NCAM2: variants seen among roughly 807,000 people sequenced by gnomAD.
NCAM2 encodes N-CAM-2.
A neutral mutation model predicts 98.1 loss-of-function variants in NCAM2; 30 were observed. The ratio of observed to expected loss-of-function variants is 0.31; its 90% CI spans 0.23 to 0.41. NCAM2 has a LOEUF of 0.41. NCAM2 is among the 10% of genes least tolerant of loss of function. The pLI, the probability that NCAM2 is intolerant of heterozygous loss-of-function variation, is 1.00. For synonymous variants in NCAM2, 368 were observed against 342.4 expected (o/e 1.07, Z -0.83); for missense variants, 867 against 1,005.8 (o/e 0.86, Z 1.87).
At chr21:21,346,263 A>T (rs1043039132) in intron 8 of NCAM2, among the ~76,000 whole-genome samples, 2 of 151,752 alleles carry the variant, frequency 1.3e-5, no homozygotes, top group African/African-American at 4.8e-5. Flanking sequence ...AATAGATTTC[A>T]AAACAAAAAC....
At chr21:21,227,110 A>T (rs756664891) in intron 1 of NCAM2, among the ~76,000 whole-genome samples, 6 of 152,004 alleles carry the variant, frequency 3.9e-5, no homozygotes, top group Non-Finnish European at 8.8e-5. Flanking sequence ...TACTGCAAAC[A>T]AATATTCTGT....
At chr21:21,177,539 G>A (rs768250342) in intron 1 of NCAM2, among the ~76,000 whole-genome samples, 6 of 152,056 alleles carry the variant, frequency 3.9e-5, no homozygotes, top group Middle Eastern at 3.4e-3. Flanking sequence ...TGTTTTTATT[G>A]CATAGTCATC....
In NCAM2 at chr21:21,390,151, A is replaced by G. The variant is rs1602193882; in HGVS notation, c.1195+16138A>G. On this transcript the variant is annotated intron_variant, in intron 9 of 17. Transcript: ENST00000400546. ...GTGCGAGCCACCGCGCCACCTGGCT[A>G]TTATTTTTTTTTATATTGACTACGT... Among the ~76,000 whole-genome samples the G allele has an allele frequency of 2.0e-5, 3 of 152,048 alleles. 1 individual carries two copies. The South Asian group carries it at 6.2e-4, about 32-fold the overall frequency.
chr21:21,120,536 A>G (rs2066649322), intron 1 of NCAM2, among the ~76,000 whole-genome samples: 1 of 152,114 alleles, frequency 6.6e-6, no homozygotes, highest in Non-Finnish European at 1.5e-5. Context: ...TGACTGATTA[A>G]GCCTGCGTGT....
In NCAM2 at chr21:21,227,250, G is replaced by T. The variant is rs1437154117; in HGVS notation, c.56-53328G>T. ...ATAATTGATGACAGTAAATCAAGAG[G>T]ATCTACAGGCAAACTATTAAGGTCC... On this transcript the variant is annotated intron_variant, in intron 1 of 17. Coordinates refer to ENST00000400546, the MANE Select transcript of NCAM2 (RefSeq NM_004540.5). Among the ~76,000 whole-genome samples, 3 of 151,766 alleles carry T rather than the reference G, an allele frequency of 2.0e-5. No individual in the cohort carries two copies. In the East Asian group the frequency reaches 5.8e-4, roughly 29 times the overall value.
At chr21:21,300,705 A>T (rs2073680973) in intron 5 of NCAM2, among the ~76,000 whole-genome samples, 1 of 152,012 alleles carries the variant, frequency 6.6e-6, no homozygotes, top group Non-Finnish European at 1.5e-5. Context: ...TTCTGGAAAG[A>T]TTTCTTTAAT....
At chr21:21,111,507 G>C (rs2146528370) in intron 1 of NCAM2, among the ~76,000 whole-genome samples, 1 of 152,260 alleles carries the variant, frequency 6.6e-6, no homozygotes, top group African/African-American at 2.4e-5. Flanking sequence ...GGAGAACCAA[G>C]AGGGCAGGGC....
chr21:21,540,981 C>G lies in NCAM2; in HGVS notation c.*3024C>G, dbSNP rs1990208156. The G allele has an allele frequency of 6.6e-6, 1 of 151,732 alleles. No individual in the cohort carries two copies. Among genetic ancestry groups the G allele is most frequent in the Non-Finnish European group, 1.5e-5 (1 of 67,788 alleles). The allele number at this position is 151,732 out of a possible 1,614,324, so 9.4% of individuals were successfully genotyped here. ...ATTGCCATTCTATTGATACTAATGT[C>G]TAACATTAATGTTTCTTGTTTTCTT... On this transcript the variant is annotated 3_prime_UTR_variant, in exon 18 of 18. Transcript: ENST00000400546.
chr21:21,462,537 C>A (rs916190496), intron 12 of NCAM2, among the ~76,000 whole-genome samples: 1 of 151,846 alleles, frequency 6.6e-6, no homozygotes, highest in Non-Finnish European at 1.5e-5. Context: ...AAGTCTGGTT[C>A]TCTAATAAAA....
intron 8 of NCAM2, among the ~76,000 whole-genome samples, chr21:21,339,021 G>A (rs2074954202): frequency 2.0e-5 from 3 of 152,120 alleles, no homozygotes; most frequent in Admixed American, 2.0e-4. Flanking sequence ...AAACACTGTG[G>A]TGAGTGATGA....
chr21:21,135,852 A>T (rs1569061924), intron 1 of NCAM2, among the ~76,000 whole-genome samples: 1 of 152,200 alleles, frequency 6.6e-6, no homozygotes, highest in Admixed American at 6.5e-5. Context: ...AGTTCAGAAC[A>T]TGTGTCATGG....
intron 1 of NCAM2, among the ~76,000 whole-genome samples, chr21:21,109,282 T>C (rs1405130832): frequency 6.6e-6 from 1 of 152,086 alleles, no homozygotes; most frequent in East Asian, 1.9e-4. Flanking sequence ...TCTTGAAAAA[T>C]GAACTTCAGA....
chr21:21,375,973 A>G (rs1294183054), intron 9 of NCAM2, among the ~76,000 whole-genome samples: 1 of 151,856 alleles, frequency 6.6e-6, no homozygotes, highest in Non-Finnish European at 1.5e-5. Flanking sequence ...TTTATGAGAA[A>G]TGAACACTAT....
intron 11 of NCAM2, among the ~76,000 whole-genome samples, chr21:21,426,231 T>G (rs920081418): frequency 6.6e-6 from 1 of 151,716 alleles, no homozygotes; most frequent in Non-Finnish European, 1.5e-5. Context: ...ACAAGAAAAA[T>G]GTATATAAAA....
intron 5 of NCAM2, among the ~76,000 whole-genome samples, chr21:21,298,586 T>TACAG (rs5842912): frequency 0.17 from 19,338 of 112,070 alleles, 1,343 homozygotes; most frequent in East Asian, 0.25. Flanking sequence ...AAATGATAGA[T>TACAG]ACAGATAGAT....
At chr21:21,378,023 T>G (rs1445265350) in intron 9 of NCAM2, among the ~76,000 whole-genome samples, 1 of 152,060 alleles carries the variant, frequency 6.6e-6, no homozygotes, top group African/African-American at 2.4e-5. Context: ...TTATCATTTT[T>G]TAAATGCTCA....
At chr21:21,305,095 A>G (rs986212882) in intron 5 of NCAM2, among the ~76,000 whole-genome samples, 1 of 152,078 alleles carries the variant, frequency 6.6e-6, no homozygotes, top group Non-Finnish European at 1.5e-5. Context: ...AGGCAGGTGG[A>G]TCACCTGAGG....
intron 1 of NCAM2, among the ~76,000 whole-genome samples, chr21:21,182,658 T>C (rs949588117): frequency 6.6e-6 from 1 of 152,188 alleles, no homozygotes; most frequent in Admixed American, 6.6e-5. Flanking sequence ...ATTAGCTATC[T>C]TCACCAACCC....
chr21:21,170,938 T>G (rs142500632), intron 1 of NCAM2, among the ~76,000 whole-genome samples: 109 of 127,408 alleles, frequency 8.6e-4, no homozygotes, highest in African/African-American at 2.8e-3. Flanking sequence ...AAAATCACAT[T>G]TATTGATTGC....
Sources: gnomAD v4.1 joint callset for allele counts (sites outside exome capture counted in the v4.1 genomes callset) on GRCh38, gnomAD v4.1.1 for gene constraint, MANE v1.5 for transcripts, NCBI Gene and HGNC (gene_info 2026-07-23, HGNC 2026-07-21) for gene names.